The following YES1 variants were observed in gnomAD, a reference collection of about 807,000 sequenced individuals.
YES1 encodes the protein tyrosine-protein kinase Yes.
Under a neutral mutation model 70.4 loss-of-function variants are expected in YES1, and 39 were observed. That is an observed-to-expected ratio of 0.55 (90% CI 0.43 to 0.72). The LOEUF is 0.72. YES1 is among the 30% of genes least tolerant of loss of function. YES1 has a pLI of 0.00. For missense variants in YES1, 495 were observed against 644.8 expected, an observed-to-expected ratio of 0.77 and a Z score of 2.52; for synonymous variants, 198 against 218.6, an observed-to-expected ratio of 0.91 and a Z score of 0.83.
intron 3 of YES1, among the ~76,000 whole-genome samples, chr18:749,683 G>A (rs1380860749): frequency 2.6e-5 from 4 of 151,360 alleles, no homozygotes; most frequent in African/African-American, 4.9e-5. Flanking sequence ...GTGAAACCCC[G>A]TCTCTACTAA....
At chr18:735,354 T>C (rs1598891246) in intron 10 of YES1, among the ~76,000 whole-genome samples, 1 of 152,202 alleles carries the variant, frequency 6.6e-6, no homozygotes, top group East Asian at 1.9e-4. Context: ...TTGCAGAAAC[T>C]TAGAGCTAGA....
chr18:785,424 A>G (rs2038349252), intron 1 of YES1, among the ~76,000 whole-genome samples: 2 of 152,148 alleles, frequency 1.3e-5, no homozygotes, highest in African/African-American at 4.8e-5. Flanking sequence ...TAGGGGGGAG[A>G]AAGAGAAACA....
chr18:729,619 C>CTTTTTTTT (rs869223956), intron 11 of YES1, among the ~76,000 whole-genome samples: 5 of 75,384 alleles, frequency 6.6e-5, no homozygotes, highest in Admixed American at 2.1e-4. Context: ...TGATTTTGAA[C>CTTTTTTTT]TTTTTTTTTT....
chr18:777,838 A>T (rs929549957), intron 1 of YES1, among the ~76,000 whole-genome samples: 76 of 152,026 alleles, frequency 5.0e-4, no homozygotes, highest in African/African-American at 1.6e-3. Context: ...TAAAAAAAGA[A>T]TTACCTATAT....
At chr18:775,599 C>T (rs1444899775) in intron 1 of YES1, among the ~76,000 whole-genome samples, 2 of 152,076 alleles carry the variant, frequency 1.3e-5, no homozygotes, top group Non-Finnish European at 2.9e-5. Context: ...GAGTTTGAGA[C>T]CACCCTGAGC....
At chr18:730,185 C>T (rs1399953870) in intron 11 of YES1, among the ~76,000 whole-genome samples, 2 of 151,990 alleles carry the variant, frequency 1.3e-5, no homozygotes, top group Non-Finnish European at 2.9e-5. Flanking sequence ...GCGTATTCTC[C>T]AACATCTATC....
At chr18:759,819 C>T (rs2145749271) in intron 1 of YES1, among the ~76,000 whole-genome samples, 1 of 152,016 alleles carries the variant, frequency 6.6e-6, no homozygotes, top group African/African-American at 2.4e-5. Flanking sequence ...ATTAACTCGT[C>T]ATTTACATTA....
intron 2 of YES1, 76 bp from the exon 3 acceptor site, chr18:751,880 CAAAAAAAAAA>C: frequency 1.5e-6 from 1 of 688,604 alleles, no homozygotes; most frequent in African/African-American, 2.1e-5. Context: ...TATTGCCAGC[CAAAAAAAAAA>C]AAGCTTAAGG....
chr18:727,590 G>A (rs2080035932), intron 11 of YES1, among the ~76,000 whole-genome samples: 1 of 93,858 alleles, frequency 1.1e-5, no homozygotes, highest in African/African-American at 4.9e-5. Context: ...TTGGCTTTTT[G>A]TCTTCTCTTG....
At chr18:801,155 T>TAAAAATA (rs894522164) in intron 1 of YES1, among the ~76,000 whole-genome samples, 16 of 151,540 alleles carry the variant, frequency 1.1e-4, no homozygotes, top group Admixed American at 4.0e-4. Context: ...CAAAAAAATA[T>TAAAAATA]AAAAATAAAA....
chr18:733,683 T>G (rs2080116937), intron 10 of YES1, among the ~76,000 whole-genome samples: 1 of 144,210 alleles, frequency 6.9e-6, no homozygotes, highest in African/African-American at 2.6e-5. Flanking sequence ...CTCGGGAGGC[T>G]GAGGCAGGAG....
intron 1 of YES1, among the ~76,000 whole-genome samples, chr18:810,074 G>A (rs192429710): frequency 7.3e-5 from 11 of 149,710 alleles, no homozygotes; most frequent in Non-Finnish European, 1.5e-4. Context: ...TTAAAAAATT[G>A]TTTTGGCATT....
rs913708701 is a variant in YES1 at position 743,031 on chromosome 18, G to C, written c.947C>G (p.Ala316Gly). 1.2e-6 allele frequency: 2 copies of C among 1,612,662 alleles called. No homozygotes were observed. Among genetic ancestry groups the C allele is most frequent in the African/African-American group, 2.7e-5 (2 of 74,870 alleles). The change falls in exon 8 of 12, where the codon GCT becomes GGT. Residue 316 changes from alanine (A) to glycine (G), a missense_variant. By Grantham distance (60) the Ala-to-Gly change is moderately conservative. Transcript: ENST00000314574. ...CATTATCTGAGCTTCTTGAAGGAAA[G>C]CTTCTGGCATCATTGTACCTGGTTT... Reference protein sequence around the residue: ...TLKPGTMMPEAFLQEAQIMKK... With the variant: ...TLKPGTMMPEGFLQEAQIMKK...
At chr18:765,863 G>C (rs889783425) in intron 1 of YES1, among the ~76,000 whole-genome samples, 13 of 152,168 alleles carry the variant, frequency 8.5e-5, no homozygotes, top group African/African-American at 2.9e-4. Flanking sequence ...ACTTTACCAA[G>C]AGCATTTCTT....
chr18:795,886 G>A (rs191394306), intron 1 of YES1, among the ~76,000 whole-genome samples: 13 of 145,254 alleles, frequency 8.9e-5, no homozygotes, highest in East Asian at 4.0e-4. Flanking sequence ...AAACCTGCAC[G>A]TTCAGCACAT....
chr18:799,702 C>CA (rs988619905), intron 1 of YES1, among the ~76,000 whole-genome samples: 7 of 150,932 alleles, frequency 4.6e-5, no homozygotes, highest in Admixed American at 6.6e-5. Flanking sequence ...GACTCCATTT[C>CA]AAAAAAAATT....
At chr18:737,073 G>A in intron 9 of YES1, 112 bp from the exon 10 acceptor site, 2 of 890,238 alleles carry the variant, frequency 2.2e-6, no homozygotes, top group Non-Finnish European at 3.3e-6. Context: ...TATTTTAGAA[G>A]GAGATGATGG....
intron 10 of YES1, among the ~76,000 whole-genome samples, chr18:733,501 C>T (rs9635865): frequency 0.12 from 18,187 of 151,994 alleles, 1,225 homozygotes; most frequent in East Asian, 0.27. Flanking sequence ...GCATGGCTTT[C>T]GGCCGGGCGC....
chr18:809,308 CT>C (rs576905731), intron 1 of YES1, among the ~76,000 whole-genome samples: 20 of 148,840 alleles, frequency 1.3e-4, no homozygotes, highest in East Asian at 5.9e-4. Context: ...GAGTATTTGA[CT>C]TTTTTTTTTG....
Sources: allele counts gnomAD v4.1 joint callset (sites outside exome capture counted in the v4.1 genomes callset), GRCh38; gene constraint gnomAD v4.1.1; transcripts MANE v1.5; gene names NCBI Gene and HGNC (gene_info 2026-07-23, HGNC 2026-07-21).